Variants in MYRIP observed in about 807,000 individuals in gnomAD.
MYRIP encodes the protein rab effector MyRIP.
A neutral mutation model predicts 98.0 loss-of-function variants in MYRIP; 49 were observed. The ratio of observed to expected loss-of-function variants is 0.50; its 90% confidence interval spans 0.40 to 0.63. The LOEUF is 0.63. Among genes scored for constraint, MYRIP ranks in the 30% least tolerant of loss-of-function variants. MYRIP has a pLI of 0.00. For missense variants in MYRIP, 1,004 were observed against 1,058.2 expected (o/e 0.95, Z 0.71); for synonymous variants, 404 against 409.5 (o/e 0.99, Z 0.16).
At chr3:39,829,622 G>A (rs1243801231) in intron 1 of MYRIP, among the ~76,000 whole-genome samples, 1 of 152,146 alleles carries the variant, frequency 6.6e-6, no homozygotes, top group Non-Finnish European at 1.5e-5. Context: ...ATCGTGTGTT[G>A]GCTAACTTGA....
intron 2 of MYRIP, among the ~76,000 whole-genome samples, chr3:39,989,569 G>C (rs912196512): frequency 2.0e-5 from 3 of 152,200 alleles, no homozygotes; most frequent in African/African-American, 7.2e-5. Context: ...CTTCACTGGG[G>C]GGAAACCCAC....
At chr3:39,949,710 C>A (rs1364995000) in intron 2 of MYRIP, among the ~76,000 whole-genome samples, 2 of 152,092 alleles carry the variant, frequency 1.3e-5, no homozygotes, top group Non-Finnish European at 2.9e-5. Flanking sequence ...TGACTTTGAG[C>A]TCTTAAGGCC....
chr3:40,088,919 G>C (rs1329790882), intron 3 of MYRIP, among the ~76,000 whole-genome samples: 1 of 152,124 alleles, frequency 6.6e-6, no homozygotes, highest in Non-Finnish European at 1.5e-5. Context: ...TCCATGGCAG[G>C]GGATGAGGAC....
chr3:40,189,076 G>A (rs911963068), intron 9 of MYRIP, among the ~76,000 whole-genome samples: 2 of 152,288 alleles, frequency 1.3e-5, no homozygotes, highest in Admixed American at 6.5e-5. Context: ...CTCTGCAGCT[G>A]GCCAAGGACT....
intron 2 of MYRIP, among the ~76,000 whole-genome samples, chr3:39,902,142 G>A (rs952273274): frequency 6.6e-6 from 1 of 152,210 alleles, no homozygotes; most frequent in Non-Finnish European, 1.5e-5. Context: ...TAAAGACAGA[G>A]GAGCAGGGTA....
At chr3:40,175,917 G>A (rs1950743477) in intron 8 of MYRIP, among the ~76,000 whole-genome samples, 1 of 152,242 alleles carries the variant, frequency 6.6e-6, no homozygotes, top group Non-Finnish European at 1.5e-5. Flanking sequence ...GGAATACAAT[G>A]CTAGTAATGC....
intron 2 of MYRIP, among the ~76,000 whole-genome samples, chr3:39,923,488 C>T (rs1047893189): frequency 1.1e-4 from 16 of 151,760 alleles, no homozygotes; most frequent in African/African-American, 2.7e-4. Context: ...ATCATACAGG[C>T]GAGAACAAAA....
intron 2 of MYRIP, among the ~76,000 whole-genome samples, chr3:39,930,853 T>C (rs1270263802): frequency 6.6e-6 from 1 of 152,148 alleles, no homozygotes; most frequent in Non-Finnish European, 1.5e-5. Context: ...GGCTTATTTC[T>C]GGATTTCATT....
intron 2 of MYRIP, among the ~76,000 whole-genome samples, chr3:39,922,306 T>C (rs910026990): frequency 3.3e-5 from 5 of 152,168 alleles, no homozygotes; most frequent in African/African-American, 1.2e-4. Context: ...TGATAACTGC[T>C]CTACTCCATC....
intron 11 of MYRIP, among the ~76,000 whole-genome samples, chr3:40,228,769 C>A (rs535071338): frequency 6.6e-6 from 1 of 152,328 alleles, no homozygotes; most frequent in East Asian, 1.9e-4. Context: ...ACTTATATCA[C>A]ACACAGGTCA....
chr3:39,848,452 CT>C (rs1444038106), intron 1 of MYRIP, among the ~76,000 whole-genome samples: 1 of 141,114 alleles, frequency 7.1e-6, no homozygotes, highest in Non-Finnish European at 1.6e-5. Flanking sequence ...AAATAGTTTC[CT>C]TTTGCTTATT....
chr3:40,032,440 T>TC (rs1172598095), intron 2 of MYRIP, among the ~76,000 whole-genome samples: 2 of 152,164 alleles, frequency 1.3e-5, no homozygotes, highest in South Asian at 4.1e-4. Context: ...AGAGCTTTAC[T>TC]TCCAACTATG....
intron 1 of MYRIP, among the ~76,000 whole-genome samples, chr3:39,823,649 T>C (rs1941180643): frequency 6.6e-6 from 1 of 152,222 alleles, no homozygotes; most frequent in Non-Finnish European, 1.5e-5. Context: ...TTTACATATC[T>C]TCTTTTGAGA....
intron 1 of MYRIP, among the ~76,000 whole-genome samples, chr3:39,813,439 T>C (rs987640813): frequency 6.6e-6 from 1 of 152,230 alleles, no homozygotes; most frequent in Non-Finnish European, 1.5e-5. Flanking sequence ...CCAAGAGTGT[T>C]GAGTGTTTGT....
In MYRIP at chr3:39,956,993, C is replaced by G. The variant is rs930270672; in HGVS notation, c.110+56067C>G. On this transcript the variant is annotated intron_variant, in intron 2 of 16. Transcript: ENST00000302541. ...GACTAAACCAGGAAGAAGTTGAATC[C>G]CTGAATAGACCAATAACAGGCTCTG... Among the ~76,000 whole-genome samples the G allele has an allele frequency of 1.3e-5, 2 of 151,596 alleles. 1 individual carries two copies. Among genetic ancestry groups the G allele is most frequent in the African/African-American group, 4.9e-5 (2 of 41,020 alleles).
At position 40,194,154 on chromosome 3, in the gene MYRIP, T is replaced by C. The variant is rs935396993; in HGVS notation, c.1665+3691T>C. On this transcript the variant is annotated intron_variant, in intron 10 of 16. Coordinates refer to ENST00000302541, the MANE Select transcript of MYRIP (RefSeq NM_015460.4). ...TCTTAAGGCCTTAAATTTGCAAGGGTTAAGGATTTTTTTTCCAATTTCTTC... is the reference window on the plus strand; with the variant it reads ...TCTTAAGGCCTTAAATTTGCAAGGGCTAAGGATTTTTTTTCCAATTTCTTC... 2.6e-5 allele frequency among the ~76,000 whole-genome samples: 4 copies of C among 152,160 alleles called. No individual in the cohort carries two copies. The East Asian group carries it at 7.7e-4, about 29-fold the overall frequency.
chr3:39,833,059 T>A (rs1450987957), intron 1 of MYRIP, among the ~76,000 whole-genome samples: 1 of 152,216 alleles, frequency 6.6e-6, no homozygotes, highest in East Asian at 1.9e-4. Context: ...TTAGGAGTGA[T>A]GCTTAAAGGT....
Position 39,962,852 on chromosome 3 carries a change from A to T in MYRIP, c.110+61926A>T, listed in dbSNP as rs868358169. Among the ~76,000 whole-genome samples the T allele has an allele frequency of 2.6e-4, 39 of 152,144 alleles. 1 individual carries two copies. The highest frequency in any genetic ancestry group is 6.6e-5 in the Admixed American group (1 of 15,238). On this transcript the variant is annotated intron_variant, in intron 2 of 16. Coordinates refer to ENST00000302541, the MANE Select transcript of MYRIP (RefSeq NM_015460.4). Reference sequence around the variant, plus strand: ...TCTTGGCCAAGATGCTGGATTTGGAAGCCAAGATTCACTTGACTTGCAGAC... The same window carrying T: ...TCTTGGCCAAGATGCTGGATTTGGATGCCAAGATTCACTTGACTTGCAGAC...
chr3:39,955,083 C>G (rs919522317), intron 2 of MYRIP, among the ~76,000 whole-genome samples: 13 of 152,204 alleles, frequency 8.5e-5, no homozygotes, highest in African/African-American at 3.1e-4. Context: ...AGAATGAAAC[C>G]AAGTTGGAAA....
Sources: allele counts gnomAD v4.1 joint callset (sites outside exome capture counted in the v4.1 genomes callset), GRCh38; gene constraint gnomAD v4.1.1; transcripts MANE v1.5; gene names NCBI Gene and HGNC (gene_info 2026-07-23, HGNC 2026-07-21).